Variants in PLEKHG1 observed in about 807,000 individuals in gnomAD.
PLEKHG1 encodes the protein pleckstrin homology domain-containing family G member 1.
In PLEKHG1, 44 loss-of-function variants were observed where a neutral mutation model predicts 100.8. That is an observed-to-expected ratio of 0.44 (90% CI 0.34 to 0.56). The LOEUF (loss-of-function observed/expected upper bound fraction) is 0.56. Ranked by LOEUF, PLEKHG1 falls within the 20% of genes least tolerant of loss-of-function variation. The pLI, the probability that PLEKHG1 is intolerant of heterozygous loss-of-function variation, is 0.01. For missense variants in PLEKHG1, 1,545 were observed against 1,720.9 expected, an observed-to-expected ratio of 0.90 and a Z score of 1.81; for synonymous variants, 640 against 662.5, an observed-to-expected ratio of 0.97 and a Z score of 0.52.
At chr6:150,645,175 A>G (rs1013820466) in intron 2 of PLEKHG1, among the ~76,000 whole-genome samples, 3 of 152,234 alleles carry the variant, frequency 2.0e-5, no homozygotes, top group African/African-American at 7.2e-5. Flanking sequence ...GCCCACATTT[A>G]TATAGAATCC....
At chr6:150,634,364 G>A (rs1582851854) in intron 1 of PLEKHG1, among the ~76,000 whole-genome samples, 1 of 152,138 alleles carries the variant, frequency 6.6e-6, no homozygotes, top group African/African-American at 2.4e-5. Context: ...GCCTAGGGTA[G>A]GCTAGGAGAG....
chr6:150,832,166 G>C, exon 15 of PLEKHG1: 1 of 1,608,350 alleles, frequency 6.2e-7, no homozygotes, highest in Non-Finnish European at 8.5e-7. Flanking sequence ...AGACCTGGCT[G>C]CCATCTTGGA....
intron 3 of PLEKHG1, among the ~76,000 whole-genome samples, chr6:150,773,594 C>G (rs1171523668): frequency 6.6e-6 from 1 of 152,246 alleles, no homozygotes; most frequent in African/African-American, 2.4e-5. Context: ...TTCTCTTTCA[C>G]TGGCCCACCC....
chr6:150,657,381 T>A (rs1411157995), intron 3 of PLEKHG1, among the ~76,000 whole-genome samples: 1 of 152,204 alleles, frequency 6.6e-6, no homozygotes, highest in Non-Finnish European at 1.5e-5. Flanking sequence ...AGAAAGGTGA[T>A]CAGAAGCAAT....
At chr6:150,755,756 G>A (rs371302800) in intron 2 of PLEKHG1, among the ~76,000 whole-genome samples, 28 of 152,228 alleles carry the variant, frequency 1.8e-4, no homozygotes, top group East Asian at 1.4e-3. Flanking sequence ...TCGCTACATC[G>A]GGAGCCAGCC....
Position 150,825,413 on chromosome 6 carries a change from C to CA in PLEKHG1, c.1470+1746dup, listed in dbSNP as rs1047174026. ...GCAACATGGCAAAACCCCCTCTCTA[C>CA]AAAAAAAAAGTACAAAAATGAGCTG... On this transcript the variant is annotated intron_variant, in intron 14 of 15. Transcript: ENST00000358517. 8.6e-5 allele frequency among the ~76,000 whole-genome samples: 13 copies of CA among 150,966 alleles called. No homozygotes were observed. In the East Asian group the frequency reaches 9.7e-4, roughly 11 times the overall value.
chr6:150,677,776 T>C lies in PLEKHG1; in HGVS notation c.-99+26990T>C, dbSNP rs113329676. ...CCTGTAGTCCCAGCTACTTGGGAGATTGAGGAGGGCGGGTCACTTGAGCCT... is the reference window on the plus strand; with the variant it reads ...CCTGTAGTCCCAGCTACTTGGGAGACTGAGGAGGGCGGGTCACTTGAGCCT... On this transcript the variant is annotated intron_variant, in intron 3 of 3. Transcript: ENST00000367326. Among the ~76,000 whole-genome samples, 131 of 151,860 alleles carry C rather than the reference T, an allele frequency of 8.6e-4. 1 individual carries two copies. The highest frequency in any genetic ancestry group is 3.0e-3 in the African/African-American group (125 of 41,436).
chr6:150,813,402 A>T (rs1787662646), intron 10 of PLEKHG1, among the ~76,000 whole-genome samples: 1 of 151,672 alleles, frequency 6.6e-6, no homozygotes, highest in Non-Finnish European at 1.5e-5. Flanking sequence ...CCCATGAATC[A>T]GTGTGATGAC....
At chr6:150,750,170 T>C (rs1783424415) in intron 2 of PLEKHG1, among the ~76,000 whole-genome samples, 1 of 152,200 alleles carries the variant, frequency 6.6e-6, no homozygotes, top group Middle Eastern at 3.2e-3. Flanking sequence ...CACAATTAAC[T>C]GCATCAGTTA....
chr6:150,804,598 T>C lies in PLEKHG1; in HGVS notation c.781-12T>C. 1 of 1,572,398 alleles carries C rather than the reference T, an allele frequency of 6.4e-7. No homozygotes were observed. Among genetic ancestry groups the C allele is most frequent in the Non-Finnish European group, 8.6e-7 (1 of 1,166,698 alleles). On this transcript the variant is annotated splice_polypyrimidine_tract_variant and intron_variant, in intron 6 of 15. Coordinates refer to ENST00000358517, the Ensembl canonical transcript of PLEKHG1. ...TGAAAAAAAAAAAAACCCTCGTTCT[T>C]TTTTGTTTAAGGAAATAGAAAACCA...
intron 3 of PLEKHG1, among the ~76,000 whole-genome samples, chr6:150,679,246 A>G (rs757784752): frequency 2.6e-5 from 4 of 152,218 alleles, no homozygotes; most frequent in Non-Finnish European, 5.9e-5. Context: ...ATAGCTTTTA[A>G]TATAATTTAA....
chr6:150,814,412 T>C (rs115268269), intron 10 of PLEKHG1, among the ~76,000 whole-genome samples: 4,466 of 152,376 alleles, frequency 0.029, 216 homozygotes, highest in African/African-American at 0.1. Context: ...CAATATAACA[T>C]CGTACTTTCT....
intron 5 of PLEKHG1, among the ~76,000 whole-genome samples, chr6:150,797,375 GAC>G (rs1448934224): frequency 6.6e-6 from 1 of 152,084 alleles, no homozygotes; most frequent in Non-Finnish European, 1.5e-5. Context: ...TGGATTAAAA[GAC>G]CCGGGATGTT....
At chr6:150,796,870 G>A (rs910025091) in intron 5 of PLEKHG1, among the ~76,000 whole-genome samples, 1 of 152,134 alleles carries the variant, frequency 6.6e-6, no homozygotes, top group South Asian at 2.1e-4. Context: ...TTAAGACCTC[G>A]TGCTGCTATG....
chr6:150,674,682 T>TCTCTCTCTCTCTCTCTCCCTCC (rs1455673564), intron 3 of PLEKHG1, among the ~76,000 whole-genome samples: 1 of 104,234 alleles, frequency 9.6e-6, no homozygotes, highest in Non-Finnish European at 2.0e-5. Context: ...TCTCTCTCTC[T>TCTCTCTCTCTCTCTCTCCCTCC]CCCCCCTCTT....
At chr6:150,829,525 C>T (rs972538655) in intron 14 of PLEKHG1, among the ~76,000 whole-genome samples, 10 of 151,980 alleles carry the variant, frequency 6.6e-5, no homozygotes, top group Admixed American at 5.9e-4. Flanking sequence ...GGCTGAAGCA[C>T]GAGAATTGCT....
chr6:150,734,276 T>G (rs1213842642), intron 2 of PLEKHG1, among the ~76,000 whole-genome samples, 184 bp downstream of exon 3: 1 of 152,118 alleles, frequency 6.6e-6, no homozygotes, highest in Non-Finnish European at 1.5e-5. Flanking sequence ...CTCTTAATAT[T>G]TGCGTTAACA....
At chr6:150,794,710 T>G (rs545490679) in intron 4 of PLEKHG1, among the ~76,000 whole-genome samples, 1 of 151,606 alleles carries the variant, frequency 6.6e-6, no homozygotes, top group Non-Finnish European at 1.5e-5. Context: ...TTAAAATATT[T>G]ACAAGGAAAA....
At chr6:150,802,783 C>T (rs1177786718) in intron 6 of PLEKHG1, among the ~76,000 whole-genome samples, 1 of 151,676 alleles carries the variant, frequency 6.6e-6, no homozygotes, top group Non-Finnish European at 1.5e-5. Context: ...GCCTCAGCTT[C>T]CCGAGTAGCT....
Sources: gnomAD v4.1 joint callset for allele counts (sites outside exome capture counted in the v4.1 genomes callset) on GRCh38, gnomAD v4.1.1 for gene constraint, MANE v1.5 for transcripts, NCBI Gene and HGNC (gene_info 2026-07-23, HGNC 2026-07-21) for gene names.